EFCAB11: variants seen among roughly 807,000 people sequenced by gnomAD.
EFCAB11 encodes the protein EF-hand calcium binding domain 11.
In EFCAB11, 14 loss-of-function variants were observed where a neutral mutation model predicts 23.0. The ratio of observed to expected loss-of-function variants is 0.61; its 90% CI spans 0.40 to 0.95. EFCAB11 has a LOEUF of 0.95. Ranked by LOEUF, EFCAB11 falls within the 40% of genes least tolerant of loss-of-function variation. The probability of loss-of-function intolerance (pLI) is 0.00; values close to 1 mark genes in which losing one functional copy is unlikely to be tolerated. For missense variants in EFCAB11, 198 were observed against 195.8 expected, an observed-to-expected ratio of 1.01 and a Z score of -0.07; for synonymous variants, 65 against 66.6, an observed-to-expected ratio of 0.98 and a Z score of 0.11.
intron 5 of EFCAB11, among the ~76,000 whole-genome samples, chr14:89,814,087 CT>C (rs34695335): frequency 0.64 from 92,813 of 145,278 alleles, 31,913 homozygotes; most frequent in Non-Finnish European, 0.78. Flanking sequence ...AAAAACTAAC[CT>C]TTTTTTTTTT....
At chr14:89,802,524 T>C (rs559893336) in intron 5 of EFCAB11, among the ~76,000 whole-genome samples, 2 of 152,284 alleles carry the variant, frequency 1.3e-5, no homozygotes, top group South Asian at 4.1e-4. Context: ...CCCGAGTAGC[T>C]GGGATTACAG....
intron 5 of EFCAB11, among the ~76,000 whole-genome samples, chr14:89,859,670 G>T (rs1235427230): frequency 6.6e-6 from 1 of 152,150 alleles, no homozygotes. Flanking sequence ...CTAGGTGCCA[G>T]GGATGCCACT....
chr14:89,923,791 C>A, intron 5 of EFCAB11: 1 of 985,382 alleles, frequency 1.0e-6, no homozygotes, highest in Non-Finnish European at 1.2e-6. Flanking sequence ...TGGAAATTTT[C>A]TCTTGTTAGA....
intron 5 of EFCAB11, among the ~76,000 whole-genome samples, chr14:89,886,937 T>C (rs1011075197): frequency 2.0e-5 from 3 of 152,234 alleles, no homozygotes; most frequent in African/African-American, 7.2e-5. Flanking sequence ...AAGGTCAGTC[T>C]GGATACCTTC....
intron 5 of EFCAB11, among the ~76,000 whole-genome samples, chr14:89,889,091 T>G (rs1888881677): frequency 6.6e-6 from 1 of 152,164 alleles, no homozygotes; most frequent in Admixed American, 6.6e-5. Flanking sequence ...AGGAAGGGTT[T>G]GCATGATAAT....
intron 5 of EFCAB11, 99 bp from the exon 6 acceptor site, chr14:89,797,423 GAGAGGAACCTATTT>G: frequency 7.6e-6 from 8 of 1,046,042 alleles, no homozygotes; most frequent in Non-Finnish European, 1.1e-5. Flanking sequence ...GTCTGTGTGA[GAGAGGAACCTATTT>G]TATCTACTTG....
chr14:89,914,236 C>T (rs995300930), intron 5 of EFCAB11, among the ~76,000 whole-genome samples: 16 of 152,292 alleles, frequency 1.1e-4, no homozygotes, highest in South Asian at 1.0e-3. Flanking sequence ...TTCTCATTAA[C>T]GCAGCATGAG....
At chr14:89,847,461 T>C (rs968557053) in intron 5 of EFCAB11, among the ~76,000 whole-genome samples, 2 of 152,078 alleles carry the variant, frequency 1.3e-5, no homozygotes, top group Admixed American at 6.6e-5. Flanking sequence ...GACTCTAGAC[T>C]GGGTGCGGTG....
In EFCAB11 at chr14:89,847,207, T is replaced by C. The variant is rs1408117182; in HGVS notation, c.411-49883A>G. Among the ~76,000 whole-genome samples the C allele has an allele frequency of 2.6e-5, 4 of 152,248 alleles. No homozygotes were observed. The East Asian group carries it at 7.7e-4, about 29-fold the overall frequency. On this transcript the variant is annotated intron_variant, in intron 5 of 5. Transcript: ENST00000316738. Reference sequence around the variant, plus strand: ...TAACCTTTTTAAATTCTTACCCTTTTTGATCTCCTGATGGCATCCAAAACT... The same window carrying C: ...TAACCTTTTTAAATTCTTACCCTTTCTGATCTCCTGATGGCATCCAAAACT...
At chr14:89,939,825 G>A (rs1394457515) in intron 3 of EFCAB11, among the ~76,000 whole-genome samples, 12 of 152,056 alleles carry the variant, frequency 7.9e-5, no homozygotes, top group African/African-American at 2.9e-4. Flanking sequence ...TGCAACCTCC[G>A]CTTCCCAGGT....
chr14:89,860,175 C>T (rs962429919), intron 5 of EFCAB11, among the ~76,000 whole-genome samples: 4 of 152,046 alleles, frequency 2.6e-5, no homozygotes, highest in African/African-American at 9.7e-5. Context: ...ACCAGCCTGG[C>T]CAACATGGTA....
At chr14:89,947,305 G>C (rs906224101) in intron 3 of EFCAB11, among the ~76,000 whole-genome samples, 8 of 152,016 alleles carry the variant, frequency 5.3e-5, no homozygotes, top group Middle Eastern at 6.8e-3. Flanking sequence ...TACACAATAG[G>C]TCTCCTTCCC....
chr14:89,929,210 T>C (rs185355811), intron 5 of EFCAB11, among the ~76,000 whole-genome samples: 13 of 152,008 alleles, frequency 8.6e-5, no homozygotes, highest in East Asian at 1.9e-4. Context: ...TATGCCACCA[T>C]ACCTGGCTAA....
At chr14:89,804,532 TTC>T (rs1423586867) in intron 5 of EFCAB11, among the ~76,000 whole-genome samples, 3 of 152,196 alleles carry the variant, frequency 2.0e-5, no homozygotes, top group Non-Finnish European at 4.4e-5. Flanking sequence ...CATTCCCTCA[TTC>T]TCTGTTTCAC....
chr14:89,897,062 A>C (rs1252705124), intron 5 of EFCAB11, among the ~76,000 whole-genome samples: 1 of 152,032 alleles, frequency 6.6e-6, no homozygotes, highest in Non-Finnish European at 1.5e-5. Context: ...TTATAGATAA[A>C]ACAAGGATAA....
rs147483026 is a variant in EFCAB11, at chr14:89,910,325, C to T, written c.410+21216G>A. The stretch of plus-strand genomic sequence containing the variant: ...ATTTAAAATGTCTAGTGACCGGGTG[C>T]AGTGGCTCACGCCTGTAATCCCAGC... On this transcript the variant is annotated intron_variant, in intron 5 of 5. Coordinates refer to ENST00000316738, the MANE Select transcript of EFCAB11 (RefSeq NM_145231.4). 3.6e-3 allele frequency among the ~76,000 whole-genome samples: 549 copies of T among 152,258 alleles called. 3 individuals carry two copies. The highest frequency in any genetic ancestry group is 0.012 in the African/African-American group (500 of 41,556).
intron 5 of EFCAB11, among the ~76,000 whole-genome samples, chr14:89,913,627 T>C (rs1262091913): frequency 6.6e-6 from 1 of 152,180 alleles, no homozygotes; most frequent in Non-Finnish European, 1.5e-5. Context: ...CTTATACAGT[T>C]GTATTTTAAA....
chr14:89,839,802 G>A (rs1887199441), intron 5 of EFCAB11, among the ~76,000 whole-genome samples: 1 of 150,782 alleles, frequency 6.6e-6, no homozygotes, highest in Non-Finnish European at 1.5e-5. Context: ...GGAAGAGAGA[G>A]GAAGGGGGGA....
intron 5 of EFCAB11, among the ~76,000 whole-genome samples, chr14:89,818,166 C>T (rs114440484): frequency 0.012 from 1,892 of 152,026 alleles, 34 homozygotes; most frequent in African/African-American, 0.044. Flanking sequence ...TTCAAAATTA[C>T]CAATGACAAA....
Sources: gnomAD v4.1 joint callset for allele counts (sites outside exome capture counted in the v4.1 genomes callset) on GRCh38, gnomAD v4.1.1 for gene constraint, MANE v1.5 for transcripts, NCBI Gene and HGNC (gene_info 2026-07-23, HGNC 2026-07-21) for gene names.